ZMYND12: variants seen among roughly 807,000 people sequenced by gnomAD.
The protein encoded by ZMYND12 is zinc finger MYND domain-containing protein 12.
A neutral mutation model predicts 41.7 loss-of-function variants in ZMYND12; 32 were observed. That is an observed-to-expected ratio of 0.77 (90% confidence interval 0.58 to 1.03). ZMYND12 has a LOEUF of 1.03. Ranked by LOEUF, ZMYND12 falls within the 50% of genes least tolerant of loss-of-function variation. The pLI is 0.00. For synonymous variants in ZMYND12, 148 were observed against 164.8 expected, an observed-to-expected ratio of 0.90 and a Z score of 0.78; for missense variants, 424 against 438.5, an observed-to-expected ratio of 0.97 and a Z score of 0.30.
chr1:42,454,354 T>C (rs749188904), intron 1 of ZMYND12, among the ~76,000 whole-genome samples: 2 of 152,184 alleles, frequency 1.3e-5, no homozygotes, highest in Non-Finnish European at 1.5e-5. Context: ...TTGTGGGGCA[T>C]ACAGCCTAAT....
At chr1:42,450,175 G>A (rs997529476) in intron 1 of ZMYND12, 116 bp from the exon 2 acceptor site, 9 of 1,233,922 alleles carry the variant, frequency 7.3e-6, no homozygotes, top group South Asian at 1.5e-5. Flanking sequence ...TACAAACCAG[G>A]CAGGGAGCTC....
chr1:42,443,199 G>A (rs983306946), intron 3 of ZMYND12, among the ~76,000 whole-genome samples: 4 of 152,176 alleles, frequency 2.6e-5, no homozygotes, highest in Admixed American at 6.5e-5. Flanking sequence ...TAAACTGTGA[G>A]GCTAGAGAGA....
intron 3 of ZMYND12, among the ~76,000 whole-genome samples, chr1:42,441,871 C>A (rs910138061): frequency 6.6e-6 from 1 of 152,216 alleles, no homozygotes; most frequent in African/African-American, 2.4e-5. Flanking sequence ...CCGCCCGCCT[C>A]GGCCTCCCAA....
At chr1:42,441,811 G>A (rs1372998549) in intron 3 of ZMYND12, among the ~76,000 whole-genome samples, 2 of 151,968 alleles carry the variant, frequency 1.3e-5, no homozygotes, top group African/African-American at 2.4e-5. Context: ...TAGTAGAGAC[G>A]GGGTTTCACC....
At chr1:42,441,036 G>C (rs1380283299) in intron 3 of ZMYND12, among the ~76,000 whole-genome samples, 1 of 152,120 alleles carries the variant, frequency 6.6e-6, no homozygotes, top group Non-Finnish European at 1.5e-5. Flanking sequence ...ATATATATAT[G>C]CATATTTAAT....
At chr1:42,437,757 C>A (rs536522053) in intron 4 of ZMYND12, among the ~76,000 whole-genome samples, 6 of 152,080 alleles carry the variant, frequency 3.9e-5, no homozygotes, top group Non-Finnish European at 7.4e-5. Flanking sequence ...TCCTGGCTCA[C>A]TGCAACCTCT....
chr1:42,450,132 G>A (rs970421583), intron 1 of ZMYND12, 73 bp from the exon 2 acceptor site: 21 of 1,556,858 alleles, frequency 1.3e-5, no homozygotes, highest in Non-Finnish European at 1.7e-5. Flanking sequence ...CCTCCTACTG[G>A]CCTATCCCTA....
In ZMYND12 at chr1:42,436,391, A is replaced by T. The variant is rs761073221; in HGVS notation, c.717+30T>A. ...TTGTAAGACACCAAGCCTAAGAGTG[A>T]AGGCTCAGCTCCCACATTCCCCAGC... is the stretch of plus-strand genomic sequence containing the variant. On this transcript the variant is annotated intron_variant, in intron 5 of 7. Transcript: ENST00000372565. 6 of 1,611,476 alleles carry T rather than the reference A, an allele frequency of 3.7e-6. No homozygotes were observed. The South Asian group carries it at 5.5e-5, about 15-fold the overall frequency.
In ZMYND12 at chr1:42,455,879, A is replaced by G. The variant is rs751962427; in HGVS notation, c.110+9T>C. ...TTATAGCGCCCAGGTGCCACGTTTC[A>G]GGGCCTACCAGTAATAAGTGACTGT... On this transcript the variant is annotated intron_variant, in intron 1 of 7. Transcript: ENST00000372565. The G allele has an allele frequency of 1.0e-5, 16 of 1,602,344 alleles. No individual in the cohort carries two copies. Among genetic ancestry groups the G allele is most frequent in the South Asian group, 2.2e-5 (2 of 90,260 alleles).
intron 3 of ZMYND12, among the ~76,000 whole-genome samples, chr1:42,445,449 A>AAT (rs1553179378): frequency 6.7e-6 from 1 of 150,082 alleles, no homozygotes; most frequent in Non-Finnish European, 1.5e-5. Flanking sequence ...AAAAAAAAAA[A>AAT]GGGGAGACCC....
At chr1:42,451,420 T>C (rs1643082031) in intron 1 of ZMYND12, among the ~76,000 whole-genome samples, 1 of 152,258 alleles carries the variant, frequency 6.6e-6, no homozygotes, top group Non-Finnish European at 1.5e-5. Context: ...GTAAGTTAAC[T>C]GTTTGATTCC....
chr1:42,444,802 C>CTT lies in ZMYND12; in HGVS notation c.424+3663_424+3664dup, dbSNP rs34129195. 5.5e-3 allele frequency among the ~76,000 whole-genome samples: 691 copies of CTT among 124,532 alleles called. 10 individuals are homozygous for CTT. Among genetic ancestry groups the CTT allele is most frequent in the African/African-American group, 0.018 (592 of 33,050 alleles). The allele number at this position is 124,532 out of a possible 152,430, so 81.7% of individuals were successfully genotyped here. A position where few individuals can be genotyped will look rare whatever the true frequency, so the allele number is the denominator to read the frequency against. ...AAGTGCTCAGAAGAAAGGAGTAGTT[C>CTT]TTTTTTTTTTTTTTTTTTTTGAGAC... is the stretch of plus-strand genomic sequence containing the variant. On this transcript the variant is annotated intron_variant, in intron 3 of 7. Coordinates refer to ENST00000372565, the MANE Select transcript of ZMYND12 (RefSeq NM_032257.5).
chr1:42,446,128 T>G, intron 3 of ZMYND12, among the ~76,000 whole-genome samples: 3 of 151,212 alleles, frequency 2.0e-5, no homozygotes, highest in Non-Finnish European at 2.9e-5. Flanking sequence ...GAATGGGGAG[T>G]CAGGGCCCAT....
chr1:42,445,117 A>G (rs1313908867), intron 3 of ZMYND12, among the ~76,000 whole-genome samples: 1 of 149,416 alleles, frequency 6.7e-6, no homozygotes, highest in African/African-American at 2.4e-5. Context: ...CAGAAAGGGT[A>G]GTTCTTTAAA....
Position 42,436,409 on chromosome 1 carries a change from T to A in ZMYND12, c.717+12A>T, listed in dbSNP as rs1642907991. 6.2e-7 allele frequency: 1 copy of A among 1,612,656 alleles called. No homozygotes were observed. Among genetic ancestry groups the A allele is most frequent in the Non-Finnish European group, 8.5e-7 (1 of 1,178,912 alleles). On this transcript the variant is annotated intron_variant, in intron 5 of 7. Coordinates refer to ENST00000372565, the MANE Select transcript of ZMYND12 (RefSeq NM_032257.5). ...AAGAGTGAAGGCTCAGCTCCCACAT[T>A]CCCCAGCTCACCTTGGTGTACAATG...
At chr1:42,437,313 C>G (rs1288905983) in intron 4 of ZMYND12, among the ~76,000 whole-genome samples, 1 of 152,018 alleles carries the variant, frequency 6.6e-6, no homozygotes, top group Non-Finnish European at 1.5e-5. Context: ...CAAGGGATCT[C>G]TTTGGGGTAA....
chr1:42,449,877 C>T lies in ZMYND12; in HGVS notation c.252+41G>A, dbSNP rs374964807. On this transcript the variant is annotated intron_variant, in intron 2 of 7. Transcript: ENST00000372565. ...CGAGCCTTGTCTTGGGCAGCTTCACCGCACCTACGACTTAACCTTGGAAAG... is the reference window on the plus strand; with the variant it reads ...CGAGCCTTGTCTTGGGCAGCTTCACTGCACCTACGACTTAACCTTGGAAAG... The T allele has an allele frequency of 1.5e-5, 24 of 1,601,792 alleles. No homozygotes were observed. The South Asian group carries it at 1.7e-4, about 11-fold the overall frequency.
intron 3 of ZMYND12, among the ~76,000 whole-genome samples, chr1:42,446,528 T>C (rs557583443): frequency 6.6e-6 from 1 of 152,064 alleles, no homozygotes; most frequent in East Asian, 1.9e-4. Context: ...GGCACACACC[T>C]GTTGTCCCAG....
chr1:42,435,042 T>C (rs1386679685), intron 6 of ZMYND12, among the ~76,000 whole-genome samples: 1 of 152,056 alleles, frequency 6.6e-6, no homozygotes, highest in African/African-American at 2.4e-5. Flanking sequence ...CCTCTAAATC[T>C]GTCCCTTAGT....
Sources: gnomAD v4.1 joint callset for allele counts (sites outside exome capture counted in the v4.1 genomes callset) on GRCh38, gnomAD v4.1.1 for gene constraint, MANE v1.5 for transcripts, NCBI Gene and HGNC (gene_info 2026-07-23, HGNC 2026-07-21) for gene names.